Variants in GLRA2 observed in about 807,000 individuals in gnomAD.
The protein encoded by GLRA2 is glycine receptor alpha 2, also known as glycine receptor subunit alpha-2.
Under a neutral mutation model 31.6 loss-of-function variants are expected in GLRA2, and 11 were observed. That is an observed-to-expected ratio of 0.35 (90% CI 0.22 to 0.58). The LOEUF (loss-of-function observed/expected upper bound fraction) is 0.58, where lower values mean the gene tolerates loss of function less well. Ranked by LOEUF, GLRA2 falls within the 20% of genes least tolerant of loss-of-function variation. GLRA2 has a pLI of 0.84. For synonymous variants in GLRA2, 132 were observed against 134.0 expected, an observed-to-expected ratio of 0.99 and a Z score of 0.10; for missense variants, 212 against 351.8, an observed-to-expected ratio of 0.60 and a Z score of 3.18.
At chrX:14,566,026 G>A (rs1193722762) in intron 2 of GLRA2, among the ~76,000 whole-genome samples, 1 of 111,415 alleles carries the variant, frequency 9.0e-6, no homozygotes, top group Non-Finnish European at 1.9e-5. Context: ...AACGAAACCA[G>A]AAGTTTGTTC....
chrX:14,601,399 A>G (rs1437256232), intron 4 of GLRA2, among the ~76,000 whole-genome samples: 1 of 111,886 alleles, frequency 8.9e-6, no homozygotes, highest in Non-Finnish European at 1.9e-5. Flanking sequence ...ACGAAATGGA[A>G]TTTTGTAATT....
intron 5 of GLRA2, among the ~76,000 whole-genome samples, chrX:14,605,956 T>G (rs2090328486): frequency 9.1e-6 from 1 of 110,070 alleles, no homozygotes; most frequent in African/African-American, 3.3e-5. Flanking sequence ...ATTCTCCTTG[T>G]GGACCACCAA....
chrX:14,655,642 G>C (rs2090932309), intron 7 of GLRA2, among the ~76,000 whole-genome samples: 1 of 111,574 alleles, frequency 9.0e-6, no homozygotes, highest in Non-Finnish European at 1.9e-5. Flanking sequence ...TGCACTTTTG[G>C]ATTTGTTCCA....
the GLRA2 span, among the ~76,000 whole-genome samples, chrX:14,478,809 A>G: frequency 1.5e-4 from 17 of 112,032 alleles, no homozygotes; most frequent in Non-Finnish European, 2.8e-4. Flanking sequence ...CACAATTTCA[A>G]TTCCCTTAAA....
At chrX:14,693,045 CAA>C (rs55932806) in intron 8 of GLRA2, among the ~76,000 whole-genome samples, 6 of 73,180 alleles carry the variant, frequency 8.2e-5, no homozygotes, top group Admixed American at 5.9e-4. Context: ...AGTATAATAA[CAA>C]AAAAAAAAAA....
chrX:14,625,331 C>T (rs1393891416), intron 7 of GLRA2, among the ~76,000 whole-genome samples: 1 of 111,306 alleles, frequency 9.0e-6, no homozygotes, highest in East Asian at 2.8e-4. Flanking sequence ...TTAATTGGCG[C>T]ATTTAGCCTA....
intron 7 of GLRA2, among the ~76,000 whole-genome samples, chrX:14,612,986 T>C (rs1211839130): frequency 1.8e-5 from 2 of 110,761 alleles, no homozygotes; most frequent in Admixed American, 1.9e-4. Context: ...ATAATAAAAA[T>C]ATGAACAAAG....
chrX:14,669,522 TTC>T (rs1349225757), intron 7 of GLRA2, among the ~76,000 whole-genome samples: 1 of 111,233 alleles, frequency 9.0e-6, no homozygotes, highest in Non-Finnish European at 1.9e-5. Context: ...ATCCAGGTGT[TTC>T]TATACCTCTT....
chrX:14,494,782 C>G, the GLRA2 span, among the ~76,000 whole-genome samples: 2 of 111,632 alleles, frequency 1.8e-5, no homozygotes, highest in African/African-American at 6.5e-5. Context: ...TCACCTGACT[C>G]CCGTAGAAGC....
At chrX:14,501,209 T>A in the GLRA2 span, among the ~76,000 whole-genome samples, 1 of 111,293 alleles carries the variant, frequency 9.0e-6, no homozygotes, top group Admixed American at 9.5e-5. Flanking sequence ...CATATTTTGA[T>A]GGGAATGTCA....
chrX:14,711,283 A>G (rs780157098), intron 8 of GLRA2, among the ~76,000 whole-genome samples: 68 of 112,386 alleles, frequency 6.1e-4, no homozygotes, highest in Middle Eastern at 4.6e-3. Flanking sequence ...TCCTGTTTGT[A>G]TCTCATAATC....
At chrX:14,568,575 C>T (rs778933275) in intron 2 of GLRA2, among the ~76,000 whole-genome samples, 1 of 110,003 alleles carries the variant, frequency 9.1e-6, no homozygotes, top group East Asian at 2.9e-4. Context: ...TGCCTGTAAT[C>T]CCAGCTACTC....
At chrX:14,458,117 T>C in the GLRA2 span, among the ~76,000 whole-genome samples, 1 of 109,807 alleles carries the variant, frequency 9.1e-6, no homozygotes, top group African/African-American at 3.3e-5. Flanking sequence ...TGAGAACATG[T>C]GGTGTTTGGT....
At chrX:14,472,201 G>T in the GLRA2 span, among the ~76,000 whole-genome samples, 1 of 111,889 alleles carries the variant, frequency 8.9e-6, no homozygotes, top group Admixed American at 9.5e-5. Flanking sequence ...GTTTGCTGAT[G>T]GCTGAACACT....
chrX:14,535,267 A>G (rs1320249789), intron 2 of GLRA2, among the ~76,000 whole-genome samples: 1 of 112,288 alleles, frequency 8.9e-6, no homozygotes, highest in East Asian at 2.8e-4. Context: ...GCAAGGGAAA[A>G]AGAAGTGCAT....
chrX:14,587,324 G>C (rs1171620284), intron 4 of GLRA2, among the ~76,000 whole-genome samples: 1 of 111,830 alleles, frequency 8.9e-6, no homozygotes, highest in Non-Finnish European at 1.9e-5. Context: ...TGGGATTGCT[G>C]GTTCGAATAG....
intron 8 of GLRA2, among the ~76,000 whole-genome samples, chrX:14,707,035 A>AC (rs1303982465): frequency 2.1e-5 from 2 of 96,805 alleles, no homozygotes; most frequent in Non-Finnish European, 4.4e-5. Flanking sequence ...AATAAAACTT[A>AC]CAAAAATACC....
At chrX:14,686,091 G>A (rs1300852720) in intron 7 of GLRA2, among the ~76,000 whole-genome samples, 1 of 111,865 alleles carries the variant, frequency 8.9e-6, no homozygotes, top group Non-Finnish European at 1.9e-5. Context: ...TTCAGGAACA[G>A]GTTGTTCAGT....
chrX:14,699,584 C>T (rs2147205820), intron 8 of GLRA2, among the ~76,000 whole-genome samples: 1 of 112,060 alleles, frequency 8.9e-6, no homozygotes, highest in Non-Finnish European at 1.9e-5. Context: ...TTCACCAAAT[C>T]ATCTCTTCTA....
Sources: gnomAD v4.1 joint callset for allele counts (sites outside exome capture counted in the v4.1 genomes callset) on GRCh38, gnomAD v4.1.1 for gene constraint, MANE v1.5 for transcripts, NCBI Gene and HGNC (gene_info 2026-07-23, HGNC 2026-07-21) for gene names.